The following PCDHGA2 variants were observed in gnomAD, a reference collection of about 807,000 sequenced individuals.
PCDHGA2 encodes the protein protocadherin gamma-A2.
In PCDHGA2, 40 loss-of-function variants were observed where a neutral mutation model predicts 59.2. The observed-to-expected ratio is 0.68, with a 90% CI of 0.52 to 0.88. The LOEUF (loss-of-function observed/expected upper bound fraction) is 0.88, where lower values mean the gene tolerates loss of function less well. Ranked by LOEUF, PCDHGA2 falls within the 40% of genes least tolerant of loss-of-function variation. The pLI is 0.00. For missense variants in PCDHGA2, 1,226 were observed against 1,204.0 expected, an observed-to-expected ratio of 1.02 and a Z score of -0.27; for synonymous variants, 560 against 526.0, an observed-to-expected ratio of 1.06 and a Z score of -0.89.
In PCDHGA2 at chr5:141,477,590, C is replaced by T. The variant is rs1465863595; in HGVS notation, c.2425-17217C>T. On this transcript the variant is annotated intron_variant, in intron 1 of 3. Coordinates refer to ENST00000394576, the MANE Select transcript of PCDHGA2 (RefSeq NM_018915.4). This position sits in a 1 kb window ranked among gnomAD's most constrained non-coding sequence, Gnocchi z 4.9. ...CCCCGACGCCCCGCAGAATGCTCGG[C>T]TTTCTTTCTTTCTCTTGGAGCAAGG... The T allele has an allele frequency of 1.2e-6, 2 of 1,614,122 alleles. No individual in the cohort carries two copies. Among genetic ancestry groups the T allele is most frequent in the South Asian group, 2.2e-5 (2 of 91,080 alleles).
At chr5:141,419,770 G>C in intron 1 of PCDHGA2, 1 of 1,614,006 alleles carries the variant, frequency 6.2e-7, no homozygotes, top group Non-Finnish European at 8.5e-7. Context: ...ACAAGGACTC[G>C]GTCCGCCAGC....
intron 1 of PCDHGA2, chr5:141,478,790 C>T: frequency 6.8e-7 from 1 of 1,472,906 alleles, no homozygotes. Flanking sequence ...AATTCACATC[C>T]TCAGCACTCT....
chr5:141,357,461 C>T lies in PCDHGA2; in HGVS notation c.2424+16066C>T, dbSNP rs1157643001. The T allele has an allele frequency of 1.9e-6, 3 of 1,614,090 alleles. No homozygotes were observed. In the Admixed American group the frequency reaches 5.0e-5, roughly 27 times the overall value. ...GTTCGGGCTTTCCTGCAGACCTATT[C>T]CCACGAGGTCTCCCTCACCGCGGAC... is the stretch of plus-strand genomic sequence containing the variant. On this transcript the variant is annotated intron_variant, in intron 1 of 3. Coordinates refer to ENST00000394576, the MANE Select transcript of PCDHGA2 (RefSeq NM_018915.4).
chr5:141,495,702 T>C (rs1462896403), intron 2 of PCDHGA2, among the ~76,000 whole-genome samples: 3 of 152,212 alleles, frequency 2.0e-5, no homozygotes, highest in Non-Finnish European at 4.4e-5. Context: ...TCAATAAATG[T>C]GGAGTGAGTA....
At position 141,423,009 on chromosome 5, in the gene PCDHGA2, G is replaced by A. The variant is rs371209178; in HGVS notation, c.2425-71798G>A. 28 of 1,614,222 alleles carry A rather than the reference G, an allele frequency of 1.7e-5. No individual in the cohort carries two copies. The East Asian group carries it at 4.9e-4, about 28-fold the overall frequency. On this transcript the variant is annotated intron_variant, in intron 1 of 3. Transcript: ENST00000394576. ...GCTACCTGGTGACCAAGGTGGTTGC[G>A]GTGGACAAAGATTCAGGCCAGAACG...
At chr5:141,409,590 A>G (rs755702950) in intron 1 of PCDHGA2, 1 of 1,613,898 alleles carries the variant, frequency 6.2e-7, no homozygotes, top group Non-Finnish European at 8.5e-7. Context: ...CACGTGGCCG[A>G]GAACAACCCG....
At position 141,387,415 on chromosome 5, in the gene PCDHGA2, A is replaced by C. The variant is rs111350375; in HGVS notation, c.2424+46020A>C. Among the ~76,000 whole-genome samples the C allele has an allele frequency of 1.1e-3, 175 of 152,362 alleles. 1 individual carries two copies. Among genetic ancestry groups the C allele is most frequent in the Admixed American group, 4.9e-3 (75 of 15,312 alleles). ...CATGTTTGAAGATTGGGGAAAGCTT[A>C]TGTCAATAAATGTTTATGTACTTAA... On this transcript the variant is annotated intron_variant, in intron 1 of 3. Coordinates refer to ENST00000394576, the MANE Select transcript of PCDHGA2 (RefSeq NM_018915.4).
intron 1 of PCDHGA2, chr5:141,375,274 A>G: frequency 1.9e-6 from 3 of 1,613,898 alleles, no homozygotes; most frequent in Non-Finnish European, 2.5e-6. Context: ...TGGAAAAATC[A>G]GTTGGCAATT....
intron 1 of PCDHGA2, chr5:141,408,083 C>G (rs1045548793): frequency 3.5e-6 from 5 of 1,414,460 alleles, no homozygotes; most frequent in Non-Finnish European, 4.7e-6. Context: ...CCCAGCACAG[C>G]GGATTGCCAG....
chr5:141,375,010 T>C (rs1771037027), intron 1 of PCDHGA2: 3 of 1,613,932 alleles, frequency 1.9e-6, no homozygotes, highest in Non-Finnish European at 1.7e-6. Context: ...ATCTAGACTA[T>C]GAGGACTCGA....
intron 1 of PCDHGA2, among the ~76,000 whole-genome samples, chr5:141,448,952 C>A (rs1278778374): frequency 2.6e-5 from 4 of 151,698 alleles, no homozygotes; most frequent in Non-Finnish European, 5.9e-5. Flanking sequence ...CTCAAAAAAA[C>A]AAACAAACAA....
intron 1 of PCDHGA2, chr5:141,385,199 A>C (rs1185520352): frequency 6.2e-7 from 1 of 1,614,064 alleles, no homozygotes; most frequent in African/African-American, 1.3e-5. Flanking sequence ...CGGAAGAGTC[A>C]CCTGATCTTC....
In PCDHGA2 at chr5:141,351,775, G is replaced by T. The variant is rs757269142; in HGVS notation, c.2424+10380G>T. 9.3e-6 allele frequency: 15 copies of T among 1,613,356 alleles called. No homozygotes were observed. In the South Asian group the frequency reaches 1.3e-4, roughly 14 times the overall value. On this transcript the variant is annotated intron_variant, in intron 1 of 3. Transcript: ENST00000394576. Reference sequence around the variant, plus strand: ...TGTTGTCCTACGTGTCCGTGAGCCCGCAGAGCGGGGTGGTGTTCGCGCAGC... The same window carrying T: ...TGTTGTCCTACGTGTCCGTGAGCCCTCAGAGCGGGGTGGTGTTCGCGCAGC...
intron 1 of PCDHGA2, among the ~76,000 whole-genome samples, chr5:141,435,150 C>G (rs1256233613): frequency 6.6e-6 from 1 of 152,006 alleles, no homozygotes; most frequent in Non-Finnish European, 1.5e-5. Context: ...TTGTGATAAA[C>G]TTTTGTAAAT....
rs745638360 is a variant in PCDHGA2, at chr5:141,410,529, A to G, written c.2424+69134A>G. Reference sequence around the variant, plus strand: ...AAATGCAGTGTGCCCCTACATTCCAATGAAGACATGGTTTGCAGTGTTTCT... The same window carrying G: ...AAATGCAGTGTGCCCCTACATTCCAGTGAAGACATGGTTTGCAGTGTTTCT... On this transcript the variant is annotated intron_variant, in intron 1 of 3. Transcript: ENST00000394576. The G allele has an allele frequency of 3.1e-6, 5 of 1,613,804 alleles. No individual in the cohort carries two copies. The Admixed American group carries it at 5.0e-5, about 16-fold the overall frequency.
At chr5:141,346,506 G>T (rs768849067) in intron 1 of PCDHGA2, 1 of 1,609,240 alleles carries the variant, frequency 6.2e-7, no homozygotes, top group East Asian at 2.2e-5. Flanking sequence ...TGAGAATGTG[G>T]TTATTATAAA....
At position 141,491,686 on chromosome 5, in the gene PCDHGA2, C is replaced by CG; in HGVS notation, c.2425-3118dup. 1 of 1,612,970 alleles carries CG rather than the reference C, an allele frequency of 6.2e-7. No individual in the cohort carries two copies. The highest frequency in any genetic ancestry group is 2.2e-5 in the East Asian group (1 of 44,838). ...CATCCGGTCCCGCTCTAATACGCTG[C>CG]GGGAGCGGAGCCAGGTGAGGGGCTC... On this transcript the variant is annotated intron_variant, in intron 1 of 3. Transcript: ENST00000394576. The surrounding 1 kb of genome is among the most constrained non-coding windows in gnomAD (Gnocchi z 6.9).
chr5:141,477,951 G>T lies in PCDHGA2; in HGVS notation c.2425-16856G>T. 3 of 1,614,120 alleles carry T rather than the reference G, an allele frequency of 1.9e-6. No homozygotes were observed. The highest frequency in any genetic ancestry group is 2.5e-6 in the Non-Finnish European group (3 of 1,180,024). Reference sequence around the variant, plus strand: ...GCCTGGCTCTCCTACAGTCTCTTGGGATCCCCTAACCAGAGCCTTTTTGCC... The same window carrying T: ...GCCTGGCTCTCCTACAGTCTCTTGGTATCCCCTAACCAGAGCCTTTTTGCC... On this transcript the variant is annotated intron_variant, in intron 1 of 3. Transcript: ENST00000394576. The surrounding 1 kb of genome is among the most constrained non-coding windows in gnomAD (Gnocchi z 4.9).
At chr5:141,369,020 A>G (rs1349066558) in intron 1 of PCDHGA2, among the ~76,000 whole-genome samples, 1 of 152,204 alleles carries the variant, frequency 6.6e-6, no homozygotes, top group African/African-American at 2.4e-5. Context: ...TTATTGCTGC[A>G]CACTTGCCTA....
Sources: gnomAD v4.1 joint callset for allele counts (sites outside exome capture counted in the v4.1 genomes callset) on GRCh38, gnomAD v4.1.1 for gene constraint, Gnocchi (gnomAD v3.1) non-coding constraint, MANE v1.5 for transcripts, NCBI Gene and HGNC (gene_info 2026-07-23, HGNC 2026-07-21) for gene names.